The following FER variants were observed in gnomAD, a reference collection of about 807,000 sequenced individuals.
The protein encoded by FER is FER tyrosine kinase.
FER carries 63 observed loss-of-function variants against 111.0 expected under a neutral mutation model. The ratio of observed to expected loss-of-function variants is 0.57; its 90% CI spans 0.46 to 0.70. The LOEUF is 0.70. Ranked by LOEUF, FER falls within the 30% of genes least tolerant of loss-of-function variation. The pLI, the probability that FER is intolerant of heterozygous loss-of-function variation, is 0.00. For synonymous variants in FER, 327 were observed against 313.9 expected (o/e 1.04, Z -0.44); for missense variants, 914 against 954.0 (o/e 0.96, Z 0.55).
intron 3 of FER, among the ~76,000 whole-genome samples, chr5:108,802,326 A>G (rs901518253): frequency 1.3e-5 from 2 of 152,290 alleles, no homozygotes; most frequent in East Asian, 3.9e-4. Context: ...TTCAATAAAT[A>G]AAAATGATAT....
chr5:108,983,145 A>G (rs1468877625), intron 13 of FER, among the ~76,000 whole-genome samples: 3 of 152,086 alleles, frequency 2.0e-5, no homozygotes, highest in Admixed American at 6.6e-5. Flanking sequence ...ATGAGATGCT[A>G]TGACAATATG....
intron 9 of FER, among the ~76,000 whole-genome samples, chr5:108,885,536 C>G (rs1163940889): frequency 2.6e-5 from 4 of 151,870 alleles, no homozygotes; most frequent in Admixed American, 1.3e-4. Context: ...AGGGTGCCAG[C>G]ATGATTGGGT....
chr5:109,087,275 G>A (rs1777673205), intron 16 of FER, among the ~76,000 whole-genome samples: 1 of 151,654 alleles, frequency 6.6e-6, no homozygotes, highest in Non-Finnish European at 1.5e-5. Flanking sequence ...AATTTATTCA[G>A]ACTTGTTTAA....
At chr5:108,814,723 A>AG (rs1758105741) in intron 3 of FER, among the ~76,000 whole-genome samples, 1 of 152,174 alleles carries the variant, frequency 6.6e-6, no homozygotes, top group Non-Finnish European at 1.5e-5. Context: ...CTGGGCATGC[A>AG]GCTCAGCAAG....
At chr5:109,126,562 T>C (rs1751756110) in intron 17 of FER, among the ~76,000 whole-genome samples, 1 of 152,206 alleles carries the variant, frequency 6.6e-6, no homozygotes, top group Non-Finnish European at 1.5e-5. Flanking sequence ...GATTAATGAA[T>C]AATAATTTAT....
chr5:109,158,260 G>A (rs1447262058), intron 17 of FER, among the ~76,000 whole-genome samples: 1 of 151,930 alleles, frequency 6.6e-6, no homozygotes, highest in Non-Finnish European at 1.5e-5. Context: ...GCACATGCCT[G>A]TAGGTCCCAT....
At chr5:108,952,615 T>C (rs1053003872) in intron 11 of FER, among the ~76,000 whole-genome samples, 8 of 138,790 alleles carry the variant, frequency 5.8e-5, no homozygotes, top group African/African-American at 1.5e-4. Flanking sequence ...GCCTATAGAA[T>C]TGAAGTGTGA....
At chr5:109,152,693 C>T (rs1256248940) in intron 17 of FER, among the ~76,000 whole-genome samples, 2 of 151,868 alleles carry the variant, frequency 1.3e-5, no homozygotes, top group Non-Finnish European at 1.5e-5. Flanking sequence ...TGTGTATATA[C>T]ATGCCTTTAT....
At chr5:109,173,374 A>G (rs1455641736) in intron 17 of FER, among the ~76,000 whole-genome samples, 1 of 152,258 alleles carries the variant, frequency 6.6e-6, no homozygotes, top group Non-Finnish European at 1.5e-5. Flanking sequence ...ATCTTACTCC[A>G]ATATAGTAAA....
intron 17 of FER, among the ~76,000 whole-genome samples, chr5:109,116,031 G>A (rs1044066573): frequency 6.6e-6 from 1 of 152,038 alleles, no homozygotes; most frequent in African/African-American, 2.4e-5. Flanking sequence ...GAAATGATGA[G>A]ATACCAAAGA....
chr5:109,123,206 A>G (rs1471958083), intron 17 of FER, among the ~76,000 whole-genome samples: 1 of 132,444 alleles, frequency 7.6e-6, no homozygotes, highest in Non-Finnish European at 1.5e-5. Flanking sequence ...CCCAGGCTGT[A>G]GTGCAGTGGT....
rs906331825 is a variant in FER, at chr5:109,194,471, A to G, written c.*6896A>G. The G allele has an allele frequency of 1.3e-5, 2 of 152,220 alleles. No individual in the cohort carries two copies. The highest frequency in any genetic ancestry group is 1.3e-4 in the Admixed American group (2 of 15,284). The allele number at this position is 152,220 out of a possible 1,614,324, so 9.4% of individuals were successfully genotyped here. A position where few individuals can be genotyped will look rare whatever the true frequency, so the allele number is the denominator to read the frequency against. ...ACACCTATTTTCCTATTTGCTAAGA[A>G]TCAGAATAAGCACGTTGTAAATAGT... On this transcript the variant is annotated 3_prime_UTR_variant, in exon 20 of 20. Coordinates refer to ENST00000281092, the MANE Select transcript of FER (RefSeq NM_005246.4).
intron 14 of FER, among the ~76,000 whole-genome samples, chr5:109,039,205 C>T (rs1190906853): frequency 6.8e-6 from 1 of 146,310 alleles, no homozygotes; most frequent in African/African-American, 2.5e-5. Flanking sequence ...ATGGCAGGAA[C>T]GCTGAGGGTT....
At chr5:108,952,245 T>G (rs2149646441) in intron 11 of FER, among the ~76,000 whole-genome samples, 1 of 152,220 alleles carries the variant, frequency 6.6e-6, no homozygotes, top group South Asian at 2.1e-4. Context: ...ATGGGATATT[T>G]GAGGTAGAAA....
chr5:108,928,119 A>G (rs866544621), intron 10 of FER, among the ~76,000 whole-genome samples: 50 of 152,184 alleles, frequency 3.3e-4, no homozygotes, highest in African/African-American at 1.2e-3. Flanking sequence ...CGCTAGTTTG[A>G]TTGCTGTAGT....
intron 8 of FER, among the ~76,000 whole-genome samples, chr5:108,881,479 A>G (rs897391680): frequency 1.3e-5 from 2 of 152,150 alleles, no homozygotes; most frequent in African/African-American, 4.8e-5. Flanking sequence ...CTCTCACAAC[A>G]CGTGGAAATT....
intron 3 of FER, among the ~76,000 whole-genome samples, chr5:108,831,037 T>A (rs1759991278): frequency 6.6e-6 from 1 of 152,134 alleles, no homozygotes; most frequent in South Asian, 2.1e-4. Context: ...ACCTTGGACT[T>A]CCTGTAGTGA....
chr5:108,869,779 C>T (rs900173252), intron 6 of FER, among the ~76,000 whole-genome samples: 2 of 152,102 alleles, frequency 1.3e-5, no homozygotes, highest in Non-Finnish European at 2.9e-5. Flanking sequence ...TTTGTCTTTG[C>T]TGCCTTCCAG....
intron 2 of FER, among the ~76,000 whole-genome samples, chr5:108,774,395 T>A (rs1180612044): frequency 1.3e-5 from 2 of 152,184 alleles, no homozygotes; most frequent in African/African-American, 4.8e-5. Flanking sequence ...GTAGAATGAT[T>A]TATGTTCCTT....
Sources: allele counts gnomAD v4.1 joint callset (sites outside exome capture counted in the v4.1 genomes callset), GRCh38; gene constraint gnomAD v4.1.1; transcripts MANE v1.5; gene names NCBI Gene and HGNC (gene_info 2026-07-23, HGNC 2026-07-21).